The following MARCHF1 variants were observed in gnomAD, a reference collection of about 807,000 sequenced individuals.
MARCHF1 encodes the protein membrane associated ring-CH-type finger 1.
In MARCHF1, 40 loss-of-function variants were observed where a neutral mutation model predicts 54.2. The ratio of observed to expected loss-of-function variants is 0.74; its 90% CI spans 0.57 to 0.96. The LOEUF is 0.96. Among genes scored for constraint, MARCHF1 ranks in the 40% least tolerant of loss-of-function variants. The pLI, the probability that MARCHF1 is intolerant of heterozygous loss-of-function variation, is 0.00. For missense variants in MARCHF1, 586 were observed against 656.5 expected (o/e 0.89, Z 1.17); for synonymous variants, 236 against 236.3 (o/e 1.00, Z 0.01).
intron 1 of MARCHF1, among the ~76,000 whole-genome samples, chr4:164,368,202 A>T (rs1403731883): frequency 6.6e-6 from 1 of 151,512 alleles, no homozygotes; most frequent in Non-Finnish European, 1.5e-5. Context: ...AGGTGAAAAA[A>T]AAAAATCTTT....
At chr4:163,770,156 A>G (rs1747112671) in intron 4 of MARCHF1, among the ~76,000 whole-genome samples, 1 of 152,178 alleles carries the variant, frequency 6.6e-6, no homozygotes, top group Middle Eastern at 3.2e-3. Flanking sequence ...GTTGTCAGTA[A>G]GGGTTATGGT....
intron 2 of MARCHF1, among the ~76,000 whole-genome samples, chr4:164,010,259 T>G (rs1196927546): frequency 6.6e-6 from 1 of 151,128 alleles, no homozygotes; most frequent in African/African-American, 2.4e-5. Flanking sequence ...TTTTTGGTTT[T>G]TTTTTTTTTC....
chr4:164,318,457 T>C (rs1474764625), intron 1 of MARCHF1, among the ~76,000 whole-genome samples: 1 of 152,192 alleles, frequency 6.6e-6, no homozygotes, highest in Non-Finnish European at 1.5e-5. Flanking sequence ...GTGAAAGTTA[T>C]TGACTATAAT....
chr4:163,928,825 T>C (rs1006901509), intron 3 of MARCHF1, among the ~76,000 whole-genome samples: 1 of 151,888 alleles, frequency 6.6e-6, no homozygotes. Context: ...TTTTAAATTT[T>C]TAACCACAAT....
intron 8 of MARCHF1, among the ~76,000 whole-genome samples, chr4:163,580,236 A>T (rs1200760527): frequency 6.6e-6 from 1 of 151,510 alleles, no homozygotes; most frequent in East Asian, 1.9e-4. Context: ...TCACCACCAC[A>T]CCCAGGTAAT....
intron 1 of MARCHF1, among the ~76,000 whole-genome samples, chr4:164,331,892 C>T (rs866090338): frequency 2.0e-5 from 3 of 152,100 alleles, no homozygotes; most frequent in South Asian, 2.1e-4. Flanking sequence ...ATGTGCTTAT[C>T]GTTTAGAAAT....
intron 1 of MARCHF1, among the ~76,000 whole-genome samples, chr4:164,194,269 G>A (rs570083140): frequency 1.4e-4 from 21 of 151,734 alleles, no homozygotes; most frequent in South Asian, 8.3e-4. Flanking sequence ...TGCCTATAGC[G>A]CCAACAAAGT....
At chr4:164,322,291 G>A (rs1735162200) in intron 1 of MARCHF1, among the ~76,000 whole-genome samples, 2 of 152,038 alleles carry the variant, frequency 1.3e-5, no homozygotes, top group East Asian at 1.9e-4. Context: ...CTCAGCTACA[G>A]GCTATTTAAG....
intron 4 of MARCHF1, among the ~76,000 whole-genome samples, chr4:163,812,395 T>C (rs1748416287): frequency 6.6e-6 from 1 of 152,094 alleles, no homozygotes; most frequent in African/African-American, 2.4e-5. Context: ...CCCTGACTAA[T>C]ACATTCAGGT....
At chr4:163,794,790 T>C (rs1014879815) in intron 4 of MARCHF1, among the ~76,000 whole-genome samples, 1 of 152,204 alleles carries the variant, frequency 6.6e-6, no homozygotes, top group Admixed American at 6.5e-5. Flanking sequence ...CTCAAACTTA[T>C]ACTATGTGAG....
chr4:163,899,167 C>T (rs1474846912), intron 3 of MARCHF1, among the ~76,000 whole-genome samples: 5 of 152,220 alleles, frequency 3.3e-5, no homozygotes, highest in African/African-American at 1.2e-4. Context: ...CTTCTGAATC[C>T]AAAACAAAAT....
intron 5 of MARCHF1, among the ~76,000 whole-genome samples, chr4:163,650,589 TTTC>T (rs1162018527): frequency 6.6e-6 from 1 of 151,848 alleles, no homozygotes; most frequent in African/African-American, 2.4e-5. Context: ...AGTTCTCTTC[TTTC>T]TTAAGATTGT....
At chr4:164,013,030 C>T (rs1368246957) in intron 2 of MARCHF1, among the ~76,000 whole-genome samples, 1 of 152,072 alleles carries the variant, frequency 6.6e-6, no homozygotes, top group Non-Finnish European at 1.5e-5. Context: ...AAAACATGAC[C>T]TCACCAAACA....
At chr4:164,314,209 C>T (rs1055821551) in intron 1 of MARCHF1, among the ~76,000 whole-genome samples, 2 of 152,142 alleles carry the variant, frequency 1.3e-5, no homozygotes, top group Non-Finnish European at 2.9e-5. Context: ...TACACTTTGT[C>T]TATATTTAAT....
At chr4:163,931,441 T>C (rs1260079088) in intron 3 of MARCHF1, among the ~76,000 whole-genome samples, 3 of 152,058 alleles carry the variant, frequency 2.0e-5, no homozygotes, top group Non-Finnish European at 4.4e-5. Flanking sequence ...CCCTGATGAA[T>C]GGGATTAGTG....
intron 1 of MARCHF1, among the ~76,000 whole-genome samples, chr4:164,206,261 A>T (rs1161548738): frequency 6.6e-6 from 1 of 152,150 alleles, no homozygotes; most frequent in Non-Finnish European, 1.5e-5. Context: ...ACATGGCGAA[A>T]TCCCGTCTCT....
intron 4 of MARCHF1, among the ~76,000 whole-genome samples, chr4:163,807,806 A>AG (rs1370666946): frequency 1.8e-5 from 1 of 55,982 alleles, no homozygotes; most frequent in Middle Eastern, 8.6e-3. Context: ...GTGAAATCAT[A>AG]GGTTTTTTTT....
At chr4:164,108,100 A>G (rs1445108871) in intron 2 of MARCHF1, among the ~76,000 whole-genome samples, 6 of 151,996 alleles carry the variant, frequency 3.9e-5, no homozygotes, top group African/African-American at 1.4e-4. Flanking sequence ...ATAGCATTTC[A>G]TTGAACTGTC....
intron 1 of MARCHF1, among the ~76,000 whole-genome samples, chr4:164,343,824 C>T (rs1579737393): frequency 6.6e-6 from 1 of 152,222 alleles, no homozygotes; most frequent in Non-Finnish European, 1.5e-5. Flanking sequence ...GTGGTGATTT[C>T]TCAAAGAACT....
Sources: gnomAD v4.1 joint callset for allele counts (sites outside exome capture counted in the v4.1 genomes callset) on GRCh38, gnomAD v4.1.1 for gene constraint, MANE v1.5 for transcripts, NCBI Gene and HGNC (gene_info 2026-07-23, HGNC 2026-07-21) for gene names.